The following AP4S1 variants were observed in gnomAD, a reference collection of about 807,000 sequenced individuals.
AP4S1 encodes AP-4 complex subunit sigma-1.
A neutral mutation model predicts 19.8 loss-of-function variants in AP4S1; 23 were observed. The ratio of observed to expected loss-of-function variants is 1.16; its 90% CI spans 0.84 to 1.65. The LOEUF (loss-of-function observed/expected upper bound fraction) is 1.65, where lower values mean the gene tolerates loss of function less well. Among genes scored for constraint, AP4S1 ranks in the 40% most tolerant of loss-of-function variants. The probability of loss-of-function intolerance (pLI) is 0.00; values close to 1 mark genes in which losing one functional copy is unlikely to be tolerated. For missense variants in AP4S1, 166 were observed against 172.8 expected, an observed-to-expected ratio of 0.96 and a Z score of 0.22; for synonymous variants, 46 against 54.1, an observed-to-expected ratio of 0.85 and a Z score of 0.66.
rs1350006419 is a variant in AP4S1, at chr14:31,094,637, C to G, written c.*1602C>G. 9.9e-5 allele frequency: 15 copies of G among 151,454 alleles called. No homozygotes were observed. The Admixed American group carries it at 9.9e-4, about 10-fold the overall frequency. 9.4% of individuals were successfully genotyped at this position (151,454 alleles called of 1,614,324 possible). On this transcript the variant is annotated 3_prime_UTR_variant, in exon 6 of 6. Transcript: ENST00000542754. ...AGTGCGGTGGCTCAGGCCTGTAATC[C>G]CAACATTTTGGGGGGCCAAGCCAGG...
intron 1 of AP4S1, among the ~76,000 whole-genome samples, chr14:31,043,170 G>A (rs772117475): frequency 8.6e-5 from 13 of 151,424 alleles, no homozygotes; most frequent in Non-Finnish European, 1.0e-4. Context: ...GCAGTGAGCC[G>A]AGATCATGCC....
chr14:31,074,364 T>TAAAGAAAGAAAG (rs1367024791), intron 4 of AP4S1, among the ~76,000 whole-genome samples: 1 of 73,260 alleles, frequency 1.4e-5, no homozygotes, highest in African/African-American at 4.0e-5. Flanking sequence ...AATAAATAAA[T>TAAAGAAAGAAAG]AAAGTAAGCT....
At chr14:31,086,721 T>C (rs1887927813) in intron 5 of AP4S1, among the ~76,000 whole-genome samples, 1 of 152,110 alleles carries the variant, frequency 6.6e-6, no homozygotes, top group Non-Finnish European at 1.5e-5. Flanking sequence ...CAGCCAGGAA[T>C]GGCTTGATAT....
rs1883832113 is a variant in AP4S1 at position 31,025,787 on chromosome 14, G to C, written c.-72G>C. 7.2e-7 allele frequency: 1 copy of C among 1,397,742 alleles called. No individual in the cohort carries two copies. Among genetic ancestry groups the C allele is most frequent in the African/African-American group, 1.4e-5 (1 of 70,130 alleles). 86.6% of individuals were successfully genotyped at this position (1,397,742 alleles called of 1,614,324 possible). ...GGACCATCACAACCTGAGCAGCACA[G>C]GTAGGTTCCGCTCGGCCTCCCAAGG... On this transcript the variant is annotated splice_region_variant and 5_prime_UTR_variant, in exon 1 of 6. Coordinates refer to ENST00000542754, the MANE Select transcript of AP4S1 (RefSeq NM_001128126.3).
chr14:31,073,949 T>C (rs939301608), intron 4 of AP4S1, among the ~76,000 whole-genome samples: 3 of 152,182 alleles, frequency 2.0e-5, no homozygotes, highest in African/African-American at 7.2e-5. Flanking sequence ...TTAGGGAATA[T>C]GTGAGCTCCT....
intron 1 of AP4S1, among the ~76,000 whole-genome samples, chr14:31,049,428 A>AAAAAAAAAATATATATAT (rs1384450221): frequency 3.5e-5 from 2 of 57,742 alleles, no homozygotes; most frequent in Non-Finnish European, 5.8e-5. Context: ...AAAAAAAAAA[A>AAAAAAAAAATATATATAT]ATATATATAT....
At chr14:31,051,628 T>C (rs1427524051) in intron 1 of AP4S1, among the ~76,000 whole-genome samples, 1 of 152,218 alleles carries the variant, frequency 6.6e-6, no homozygotes, top group East Asian at 1.9e-4. Context: ...TTTATATACA[T>C]TTCCCCATTC....
chr14:31,072,123 T>G (rs1379111345), intron 3 of AP4S1, among the ~76,000 whole-genome samples: 1 of 151,854 alleles, frequency 6.6e-6, no homozygotes, highest in African/African-American at 2.4e-5. Flanking sequence ...GTATTTTTAG[T>G]AGAGACGAGG....
intron 1 of AP4S1, among the ~76,000 whole-genome samples, chr14:31,053,368 G>C (rs1181396612): frequency 1.3e-5 from 2 of 152,110 alleles, no homozygotes; most frequent in African/African-American, 4.8e-5. Flanking sequence ...CGGGATGATG[G>C]CCAGAGGGCA....
intron 1 of AP4S1, among the ~76,000 whole-genome samples, chr14:31,058,545 G>C (rs1369825481): frequency 3.6e-4 from 16 of 44,666 alleles, no homozygotes; most frequent in Non-Finnish European, 7.7e-4. Flanking sequence ...GTGTGTGTGT[G>C]TGTGTGTGTG....
At chr14:31,053,149 C>G (rs1176120674) in intron 1 of AP4S1, among the ~76,000 whole-genome samples, 1 of 152,042 alleles carries the variant, frequency 6.6e-6, no homozygotes, top group East Asian at 1.9e-4. Context: ...CTATGTTGGC[C>G]AGGCTGGTCT....
chr14:31,049,428 A>AAAAAATATATTT (rs1384450221), intron 1 of AP4S1, among the ~76,000 whole-genome samples: 1 of 57,768 alleles, frequency 1.7e-5, no homozygotes, highest in African/African-American at 7.9e-5. Context: ...AAAAAAAAAA[A>AAAAAATATATTT]ATATATATAT....
At chr14:31,049,441 A>C in intron 1 of AP4S1, among the ~76,000 whole-genome samples, 1 of 57,976 alleles carries the variant, frequency 1.7e-5, no homozygotes, top group Non-Finnish European at 2.9e-5. Context: ...ATATATATAT[A>C]TATATATATA....
intron 1 of AP4S1, among the ~76,000 whole-genome samples, chr14:31,034,218 T>C (rs1054733501): frequency 2.0e-5 from 3 of 152,164 alleles, no homozygotes; most frequent in African/African-American, 7.2e-5. Flanking sequence ...ATATGTTAAA[T>C]TGGCAAAAAG....
At chr14:31,081,035 A>G (rs1594706978) in intron 5 of AP4S1, among the ~76,000 whole-genome samples, 1 of 152,136 alleles carries the variant, frequency 6.6e-6, no homozygotes, top group African/African-American at 2.4e-5. Context: ...CAGGTGATCC[A>G]CCCACCTCGG....
At chr14:31,052,682 TGTGCCATTGCACTCCAGCCTGG>T (rs1209366512) in intron 1 of AP4S1, among the ~76,000 whole-genome samples, 43 of 148,790 alleles carry the variant, frequency 2.9e-4, no homozygotes, top group Admixed American at 2.0e-3. Context: ...GAGCCAAAAT[TGTGCCATTGCACTCCAGCCTGG>T]GTGACAAGAG....
At chr14:31,030,365 T>G (rs895112591) in intron 1 of AP4S1, among the ~76,000 whole-genome samples, 4 of 152,176 alleles carry the variant, frequency 2.6e-5, no homozygotes, top group African/African-American at 7.2e-5. Flanking sequence ...TACTCAATTT[T>G]TGCTTTATTC....
At chr14:31,049,474 T>TATATATATATATACAC (rs1885651433) in intron 1 of AP4S1, among the ~76,000 whole-genome samples, 1 of 57,184 alleles carries the variant, frequency 1.7e-5, no homozygotes, top group Non-Finnish European at 3.4e-5. Context: ...TATATATATG[T>TATATATATATATACAC]ACACACACAC....
intron 2 of AP4S1, among the ~76,000 whole-genome samples, chr14:31,068,201 A>G (rs1886828764): frequency 6.6e-6 from 1 of 152,228 alleles, no homozygotes; most frequent in African/African-American, 2.4e-5. Context: ...AATTTTATTT[A>G]AAGAATTACT....
Sources: gnomAD v4.1 joint callset for allele counts (sites outside exome capture counted in the v4.1 genomes callset) on GRCh38, gnomAD v4.1.1 for gene constraint, MANE v1.5 for transcripts, NCBI Gene and HGNC (gene_info 2026-07-23, HGNC 2026-07-21) for gene names.